Variants in ZMYND11 observed in about 807,000 individuals in gnomAD.
The protein encoded by ZMYND11 is zinc finger MYND domain-containing protein 11.
Under a neutral mutation model 84.9 loss-of-function variants are expected in ZMYND11, and 9 were observed. The observed-to-expected ratio is 0.11, with a 90% confidence interval of 0.06 to 0.18. The LOEUF (loss-of-function observed/expected upper bound fraction) is 0.18, where lower values mean the gene tolerates loss of function less well. Ranked by LOEUF, ZMYND11 falls within the 10% of genes least tolerant of loss-of-function variation. The probability of loss-of-function intolerance (pLI) is 1.00; values close to 1 mark genes in which losing one functional copy is unlikely to be tolerated. For synonymous variants in ZMYND11, 250 were observed against 244.1 expected (o/e 1.02, Z -0.23); for missense variants, 409 against 761.0 (o/e 0.54, Z 5.44).
chr10:132,206 G>A (rs1280143666), upstream of ZMYND11, among the ~76,000 whole-genome samples: 2 of 151,276 alleles, frequency 1.3e-5, no homozygotes, highest in Admixed American at 1.3e-4. Flanking sequence ...ACCCGTTCGG[G>A]TCCCCTTCCA....
Position 247,475 on chromosome 10 carries a change from CCCA to C in ZMYND11, c.1227+12_1227+14del. The stretch of plus-strand genomic sequence containing the variant: ...TGGAGCCCAAAAAGGAAGTAAGTTG[CCCA>C]CCTCGCAGTATCCAGGTGGCAAATG... On this transcript the variant is annotated intron_variant, in intron 12 of 14. Coordinates refer to ENST00000381604, the MANE Select transcript of ZMYND11 (RefSeq NM_001370100.5). 1 of 1,613,406 alleles carries C rather than the reference CCCA, an allele frequency of 6.2e-7. No individual in the cohort carries two copies. The highest frequency in any genetic ancestry group is 8.5e-7 in the Non-Finnish European group (1 of 1,179,558).
intron 1 of ZMYND11, among the ~76,000 whole-genome samples, chr10:158,915 T>A (rs567471687): frequency 1.3e-5 from 2 of 151,948 alleles, no homozygotes; most frequent in East Asian, 3.9e-4. Flanking sequence ...TTATCTGTAT[T>A]TCTATTGTTG....
intron 10 of ZMYND11, 69 bp downstream of exon 10, chr10:242,208 T>C (rs1227133735): frequency 6.4e-7 from 1 of 1,564,718 alleles, no homozygotes; most frequent in East Asian, 2.3e-5. Context: ...TTTGATGATT[T>C]CTCCATCAGA....
chr10:241,604 C>CA (rs1365257870), intron 9 of ZMYND11, among the ~76,000 whole-genome samples: 1 of 152,258 alleles, frequency 6.6e-6, no homozygotes, highest in African/African-American at 2.4e-5. Context: ...CGTGCACTGA[C>CA]AAAGGGAATT....
At chr10:152,856 AAC>A (rs1554757508) in intron 1 of ZMYND11, among the ~76,000 whole-genome samples, 1 of 152,220 alleles carries the variant, frequency 6.6e-6, no homozygotes, top group Non-Finnish European at 1.5e-5. Context: ...AATTATAACA[AAC>A]TGTCTCTCAG....
At chr10:174,224 AAC>A (rs1177900072) in intron 1 of ZMYND11, among the ~76,000 whole-genome samples, 1 of 152,248 alleles carries the variant, frequency 6.6e-6, no homozygotes, top group Non-Finnish European at 1.5e-5. Context: ...ACTAAAAAGT[AAC>A]AGTCTATCAT....
upstream of ZMYND11, chr10:135,404 G>T: frequency 6.6e-6 from 1 of 151,814 alleles, no homozygotes; most frequent in South Asian, 1.9e-4. This position sits in a 1 kb window ranked among gnomAD's most constrained non-coding sequence, Gnocchi z 5.6. Context: ...GGAGGAGGCC[G>T]GCAGGGAGGA....
At chr10:183,437 T>C (rs1006954807) in intron 2 of ZMYND11, among the ~76,000 whole-genome samples, 2 of 152,130 alleles carry the variant, frequency 1.3e-5, no homozygotes, top group Non-Finnish European at 2.9e-5. Context: ...AGGACACACA[T>C]GATGTCAGTT....
chr10:214,042 G>A (rs1404172119), intron 3 of ZMYND11, among the ~76,000 whole-genome samples: 2 of 152,020 alleles, frequency 1.3e-5, no homozygotes, highest in African/African-American at 4.8e-5. Context: ...GATAGTGACC[G>A]CATGGTGCTG....
Position 248,317 on chromosome 10 carries a change from C to T in ZMYND11, c.1228-19C>T, listed in dbSNP as rs767236718. 4.4e-6 allele frequency: 7 copies of T among 1,608,406 alleles called. No homozygotes were observed. The Admixed American group carries it at 8.4e-5, about 19-fold the overall frequency. ...TATGTGGCTTCGTTTGGCGTCTAAA[C>T]TCTTGTCTCACCTTTTAGGAACCAG... On this transcript the variant is annotated intron_variant, in intron 12 of 14. Coordinates refer to ENST00000381604, the MANE Select transcript of ZMYND11 (RefSeq NM_001370100.5).
At chr10:130,887 A>G (rs1469879173), upstream of ZMYND11, among the ~76,000 whole-genome samples, 3 of 152,068 alleles carry the variant, frequency 2.0e-5, no homozygotes, top group Non-Finnish European at 2.9e-5. Context: ...GGAAGCCAAG[A>G]TGGGCAGATC....
intron 4 of ZMYND11, among the ~76,000 whole-genome samples, chr10:234,552 A>G (rs554964686): frequency 6.6e-6 from 1 of 152,362 alleles, no homozygotes; most frequent in Admixed American, 6.5e-5. Context: ...CAAGACTTCT[A>G]ACCTGGTGTA....
Position 135,663 on chromosome 10 carries a change from G to T in ZMYND11, c.-20+104G>T, listed in dbSNP as rs1226050147. On this transcript the variant is annotated intron_variant, in intron 1 of 14. Coordinates refer to ENST00000381604, the MANE Select transcript of ZMYND11 (RefSeq NM_001370100.5). The surrounding 1 kb of genome is among the most constrained non-coding windows in gnomAD (Gnocchi z 5.6). ...GCCTGGCCGCGGCCTCTGGGGCGGC[G>T]GCGGCACCAGTGGGTGCTGACGGTC... The T allele has an allele frequency of 6.7e-6, 1 of 149,588 alleles. No homozygotes were observed. The highest frequency in any genetic ancestry group is 2.0e-4 in the East Asian group (1 of 5,064). The allele number at this position is 149,588 out of a possible 1,614,324, so 9.3% of individuals were successfully genotyped here. A position where few individuals can be genotyped will look rare whatever the true frequency, so the allele number is the denominator to read the frequency against.
At chr10:226,767 G>T (rs1382978247) in intron 4 of ZMYND11, among the ~76,000 whole-genome samples, 1 of 152,052 alleles carries the variant, frequency 6.6e-6, no homozygotes, top group East Asian at 1.9e-4. Context: ...TTTTGTCTTG[G>T]ATTTTTACAA....
At chr10:137,164 A>C (rs1025548236) in intron 1 of ZMYND11, among the ~76,000 whole-genome samples, 1 of 152,164 alleles carries the variant, frequency 6.6e-6, no homozygotes, top group East Asian at 1.9e-4. Flanking sequence ...GTGTGTACCT[A>C]GTACCGAGTG....
intron 4 of ZMYND11, among the ~76,000 whole-genome samples, chr10:225,513 A>G (rs1947969087): frequency 6.6e-6 from 1 of 152,066 alleles, no homozygotes; most frequent in African/African-American, 2.4e-5. Context: ...TGTGTGGCTC[A>G]TTTTTAAATT....
intron 2 of ZMYND11, among the ~76,000 whole-genome samples, chr10:185,219 T>A (rs763347452): frequency 1.3e-5 from 2 of 152,096 alleles, no homozygotes; most frequent in Admixed American, 6.6e-5. Flanking sequence ...CTATACTCTC[T>A]GTTCCATTAG....
chr10:203,891 A>T (rs185773794), intron 2 of ZMYND11, among the ~76,000 whole-genome samples: 24 of 152,230 alleles, frequency 1.6e-4, no homozygotes, highest in Admixed American at 7.2e-4. Flanking sequence ...CGATTTTTTT[A>T]AAAAAATGTA....
At chr10:143,247 T>A (rs1320802180) in intron 1 of ZMYND11, among the ~76,000 whole-genome samples, 1 of 152,222 alleles carries the variant, frequency 6.6e-6, no homozygotes, top group Non-Finnish European at 1.5e-5. Flanking sequence ...CACCCACAGA[T>A]TGAGATCATC....
Sources: gnomAD v4.1 joint callset for allele counts (sites outside exome capture counted in the v4.1 genomes callset) on GRCh38, gnomAD v4.1.1 for gene constraint, Gnocchi (gnomAD v3.1) non-coding constraint, MANE v1.5 for transcripts, NCBI Gene and HGNC (gene_info 2026-07-23, HGNC 2026-07-21) for gene names.